The following SND1 variants were observed in gnomAD, a reference collection of about 807,000 sequenced individuals.
SND1 encodes staphylococcal nuclease domain-containing protein 1.
A neutral mutation model predicts 121.7 loss-of-function variants in SND1; 38 were observed. The observed-to-expected ratio is 0.31, with a 90% CI of 0.24 to 0.41. SND1 has a LOEUF of 0.41. SND1 is among the 10% of genes least tolerant of loss of function. SND1 has a pLI of 1.00. For missense variants in SND1, 868 were observed against 1,184.6 expected (o/e 0.73, Z 3.92); for synonymous variants, 401 against 447.4 (o/e 0.90, Z 1.31).
chr7:127,922,192 T>TTTTTTG (rs1800727779), intron 14 of SND1, among the ~76,000 whole-genome samples: 1 of 109,154 alleles, frequency 9.2e-6, no homozygotes, highest in African/African-American at 3.3e-5. Flanking sequence ...TTTTTTTTTT[T>TTTTTTG]TTTTTTTTTT....
chr7:127,875,935 T>A (rs983099807), intron 12 of SND1, among the ~76,000 whole-genome samples: 2 of 152,160 alleles, frequency 1.3e-5, no homozygotes, highest in Non-Finnish European at 2.9e-5. Context: ...ACTTACAAGC[T>A]TTGTAACCTT....
At chr7:127,836,040 G>A (rs543867578) in intron 11 of SND1, among the ~76,000 whole-genome samples, 17 of 152,036 alleles carry the variant, frequency 1.1e-4, no homozygotes, top group South Asian at 8.3e-4. Context: ...AATATTTACC[G>A]AAGTGAAGGT....
At chr7:127,996,502 G>A (rs547927414) in intron 16 of SND1, among the ~76,000 whole-genome samples, 56 of 152,084 alleles carry the variant, frequency 3.7e-4, no homozygotes, top group Non-Finnish European at 6.2e-4. Context: ...CTCCTTCCCT[G>A]TTGAGGAGAC....
At chr7:127,772,700 AT>A (rs11353149) in intron 10 of SND1, among the ~76,000 whole-genome samples, 143,186 of 151,604 alleles carry the variant, frequency 0.94, 68,047 homozygotes, top group Non-Finnish European at 1. Context: ...GAAACATGTA[AT>A]TTTTTTTTTT....
chr7:127,935,770 G>A (rs1421101665), intron 15 of SND1, among the ~76,000 whole-genome samples: 2 of 152,200 alleles, frequency 1.3e-5, no homozygotes, highest in Non-Finnish European at 2.9e-5. Context: ...TTATGTAAGT[G>A]TGGCATTCTG....
intron 15 of SND1, among the ~76,000 whole-genome samples, chr7:127,930,975 T>C (rs1769061902): frequency 2.0e-5 from 3 of 152,234 alleles, no homozygotes; most frequent in African/African-American, 2.4e-5. Context: ...ATTATTATTA[T>C]ATCTGTTATG....
At chr7:127,726,519 G>A (rs1796585751) in intron 10 of SND1, among the ~76,000 whole-genome samples, 1 of 152,188 alleles carries the variant, frequency 6.6e-6, no homozygotes, top group South Asian at 2.1e-4. Flanking sequence ...GCTAAATCTT[G>A]GAGAAAGGCT....
chr7:127,714,722 A>G (rs1405110704), intron 9 of SND1, among the ~76,000 whole-genome samples: 2 of 152,182 alleles, frequency 1.3e-5, no homozygotes, highest in African/African-American at 2.4e-5. Context: ...ACTCTAAGTA[A>G]TTCATATAAG....
chr7:127,714,159 T>C (rs1796345565), intron 9 of SND1, among the ~76,000 whole-genome samples: 1 of 152,182 alleles, frequency 6.6e-6, no homozygotes, highest in Admixed American at 6.5e-5. Flanking sequence ...TAGAGGCTTC[T>C]TGCTTGGTCC....
intron 2 of SND1, among the ~76,000 whole-genome samples, chr7:127,691,777 T>TA (rs1424263142): frequency 2.0e-5 from 3 of 146,962 alleles, no homozygotes; most frequent in Non-Finnish European, 4.5e-5. Context: ...CATGCCTGGC[T>TA]AATTTTTTTT....
In SND1 at chr7:128,081,508, G is replaced by A; in HGVS notation, c.2110+7G>A. 2.5e-6 allele frequency: 4 copies of A among 1,613,320 alleles called. No individual in the cohort carries two copies. Among genetic ancestry groups the A allele is most frequent in the Non-Finnish European group, 3.4e-6 (4 of 1,179,840 alleles). ...GTGCAGGATGTGGAGACCGGTGAGT[G>A]CTCAGGCCGCTGGCTCGTGGTTCCT... On this transcript the variant is annotated splice_region_variant and intron_variant, in intron 18 of 23. Coordinates refer to ENST00000354725, the MANE Select transcript of SND1 (RefSeq NM_014390.4).
chr7:127,678,776 T>C (rs949366629), intron 1 of SND1, among the ~76,000 whole-genome samples: 2 of 152,220 alleles, frequency 1.3e-5, no homozygotes, highest in Non-Finnish European at 2.9e-5. Flanking sequence ...TTTCCTGATA[T>C]GCATTTTGAA....
At chr7:127,997,588 A>G (rs1037003429) in intron 16 of SND1, 14 of 435,428 alleles carry the variant, frequency 3.2e-5, no homozygotes, top group Admixed American at 8.0e-5. Context: ...TTAAAAGACA[A>G]ATCTGACTGT....
At chr7:128,040,437 T>TAA (rs67595921) in intron 16 of SND1, among the ~76,000 whole-genome samples, 1,339 of 32,856 alleles carry the variant, frequency 0.041, 152 homozygotes, top group African/African-American at 0.055. Flanking sequence ...GTCCTATCTT[T>TAA]AAAAAAAAAA....
intron 16 of SND1, among the ~76,000 whole-genome samples, chr7:128,040,483 T>TAA (rs754875856): frequency 3.7e-5 from 3 of 80,798 alleles, no homozygotes; most frequent in East Asian, 3.4e-4. Flanking sequence ...GTTTGACACC[T>TAA]AAAAAAAAAA....
intron 16 of SND1, among the ~76,000 whole-genome samples, chr7:127,991,955 A>T (rs948040691): frequency 6.6e-6 from 1 of 152,228 alleles, no homozygotes; most frequent in Admixed American, 6.5e-5. Flanking sequence ...CCACTCCGAG[A>T]TGCTTATGTT....
chr7:127,708,462 TGCATTTTCAACTTACA>T (rs1796243544), intron 9 of SND1, among the ~76,000 whole-genome samples: 1 of 151,688 alleles, frequency 6.6e-6, no homozygotes, highest in Non-Finnish European at 1.5e-5. Context: ...GAGAGATAAA[TGCATTTTCAACTTACA>T]GCATTTTCAG....
chr7:127,791,335 T>A (rs1797906788), intron 10 of SND1, among the ~76,000 whole-genome samples: 1 of 152,074 alleles, frequency 6.6e-6, no homozygotes, highest in Admixed American at 6.6e-5. Context: ...TTATTTTTTG[T>A]AGAGACAGGG....
In SND1 at chr7:127,961,709, C is replaced by T. The variant is rs757919084; in HGVS notation, c.1670-29238C>T. ...TGGGCTTATGAAAGCAGAAAGATTGCCTGAGTTGGAACAAGCTTTTCTACC... is the reference window on the plus strand; with the variant it reads ...TGGGCTTATGAAAGCAGAAAGATTGTCTGAGTTGGAACAAGCTTTTCTACC... On this transcript the variant is annotated intron_variant, in intron 15 of 23. Coordinates refer to ENST00000354725, the MANE Select transcript of SND1 (RefSeq NM_014390.4). Among the ~76,000 whole-genome samples the T allele has an allele frequency of 5.7e-4, 86 of 152,188 alleles. 3 individuals carry two copies. Among genetic ancestry groups the T allele is most frequent in the Non-Finnish European group, 4.7e-4 (32 of 68,030 alleles).
Sources: allele counts gnomAD v4.1 joint callset (sites outside exome capture counted in the v4.1 genomes callset), GRCh38; gene constraint gnomAD v4.1.1; transcripts MANE v1.5; gene names NCBI Gene and HGNC (gene_info 2026-07-23, HGNC 2026-07-21).